The following NFIC variants were observed in gnomAD, a reference collection of about 807,000 sequenced individuals.
NFIC encodes the protein nuclear factor 1 C-type.
In NFIC, 12 loss-of-function variants were observed where a neutral mutation model predicts 54.4. The observed-to-expected ratio is 0.22, with a 90% CI of 0.14 to 0.36. The LOEUF is 0.36. NFIC is among the 10% of genes least tolerant of loss of function. The pLI is 1.00. For missense variants in NFIC, 575 were observed against 718.2 expected (o/e 0.80, Z 2.28); for synonymous variants, 322 against 319.2 (o/e 1.01, Z -0.09).
At chr19:3,435,037 C>A in intron 5 of NFIC, 46 bp from the exon 6 acceptor site, 1 of 1,518,170 alleles carries the variant, frequency 6.6e-7, no homozygotes, top group East Asian at 2.5e-5. Context: ...GCCCCCCGCC[C>A]CGCGTCTCCC....
At chr19:3,443,381 C>T (rs1443974109) in intron 6 of NFIC, among the ~76,000 whole-genome samples, 1 of 151,786 alleles carries the variant, frequency 6.6e-6, no homozygotes, top group East Asian at 1.9e-4. Context: ...TATGATTGCA[C>T]CAGTGCACTC....
chr19:3,360,750 A>G (rs530410871), intron 1 of NFIC, among the ~76,000 whole-genome samples: 4 of 152,228 alleles, frequency 2.6e-5, no homozygotes, highest in African/African-American at 9.6e-5. Context: ...TCCCTGCGGG[A>G]CGGTGTTGTG....
chr19:3,373,010 A>G (rs755884670), intron 1 of NFIC, among the ~76,000 whole-genome samples: 27 of 151,896 alleles, frequency 1.8e-4, no homozygotes, highest in Admixed American at 2.6e-4. Context: ...GCACCTGGCT[A>G]ATTTTGGTGT....
chr19:3,424,977 T>C, intron 2 of NFIC, 129 bp from the exon 3 acceptor site: 1 of 914,154 alleles, frequency 1.1e-6, no homozygotes, highest in Admixed American at 2.4e-5. Context: ...CCTGGGTGTG[T>C]TTTGGGGCCA....
At chr19:3,395,492 AT>A (rs530190180) in intron 2 of NFIC, among the ~76,000 whole-genome samples, 285 of 130,806 alleles carry the variant, frequency 2.2e-3, no homozygotes, top group East Asian at 0.015. Context: ...ACCATGGTTG[AT>A]TTTTTTTTTT....
At chr19:3,428,400 C>T (rs2082062075) in intron 3 of NFIC, among the ~76,000 whole-genome samples, 1 of 149,888 alleles carries the variant, frequency 6.7e-6, no homozygotes, top group African/African-American at 2.5e-5. Context: ...TGCAGTGAGC[C>T]GAGATCACGC....
chr19:3,377,587 C>A (rs2081131061), intron 1 of NFIC, among the ~76,000 whole-genome samples: 2 of 151,742 alleles, frequency 1.3e-5, no homozygotes, highest in Admixed American at 1.3e-4. Context: ...AAACTAGGTC[C>A]CAGATGTTTT....
intron 2 of NFIC, among the ~76,000 whole-genome samples, chr19:3,407,774 G>C (rs1157730634): frequency 6.6e-6 from 1 of 152,172 alleles, no homozygotes; most frequent in Non-Finnish European, 1.5e-5. Flanking sequence ...AGTCCAGGGT[G>C]CTGGGGACTA....
Position 3,425,135 on chromosome 19 carries a change from G to C in NFIC, c.592G>C (p.Gly198Arg). ...DAEQSGSPRT[G>R]MGSDQEDSKP... is the part of the protein sequence containing the mutation. ...AGAGCAAAGCGGCAGTCCCCGGACA[G>C]GGATGGGCTCTGACCAGGAGGACAG... Residue 198 changes from glycine to arginine, a missense_variant, in exon 3 of 11, where the codon GGG becomes CGG. This residue lies in a region of NFIC where 447 missense variants were observed against 526.9 expected (regional missense o/e 0.85). Coordinates refer to ENST00000443272, the MANE Select transcript of NFIC (RefSeq NM_001245002.2). 1.2e-6 allele frequency: 2 copies of C among 1,613,196 alleles called. No homozygotes were observed. Among genetic ancestry groups the C allele is most frequent in the Non-Finnish European group, 1.7e-6 (2 of 1,179,962 alleles).
chr19:3,430,244 CTT>C (rs869061995), intron 3 of NFIC, among the ~76,000 whole-genome samples: 175 of 142,486 alleles, frequency 1.2e-3, no homozygotes, highest in Admixed American at 1.3e-3. Context: ...CAGAACCTTT[CTT>C]TTTTTTTTTT....
upstream of NFIC, among the ~76,000 whole-genome samples, chr19:3,362,330 C>G (rs1363860886): frequency 1.3e-5 from 2 of 151,854 alleles, no homozygotes; most frequent in African/African-American, 4.8e-5. Context: ...GCAGCTATAT[C>G]CATGCGTTGT....
At chr19:3,451,237 T>C (rs1450497258) in intron 7 of NFIC, among the ~76,000 whole-genome samples, 2 of 152,010 alleles carry the variant, frequency 1.3e-5, no homozygotes, top group Admixed American at 1.3e-4. Flanking sequence ...CTATGAAATG[T>C]CCAGGACAGG....
intron 6 of NFIC, among the ~76,000 whole-genome samples, chr19:3,438,683 C>T (rs760002621): frequency 3.3e-5 from 5 of 151,894 alleles, no homozygotes; most frequent in African/African-American, 1.2e-4. Flanking sequence ...GTGATCCGCC[C>T]ATCTCGGCCT....
chr19:3,434,176 C>G, intron 4 of NFIC, 101 bp from the exon 5 acceptor site: 1 of 1,468,962 alleles, frequency 6.8e-7, no homozygotes, highest in Non-Finnish European at 9.0e-7. Flanking sequence ...GGAAGGGGGT[C>G]CCCCTTTGGA....
intron 1 of NFIC, among the ~76,000 whole-genome samples, chr19:3,376,498 C>T (rs937638428): frequency 8.7e-5 from 13 of 149,132 alleles, no homozygotes; most frequent in African/African-American, 2.7e-4. Context: ...CTTAGGAGGC[C>T]GAGGTGGGAG....
intron 6 of NFIC, among the ~76,000 whole-genome samples, chr19:3,443,963 G>C (rs2082331668): frequency 6.6e-6 from 1 of 152,196 alleles, no homozygotes; most frequent in Non-Finnish European, 1.5e-5. Context: ...TCTGTGTAGG[G>C]CCCCTCCTGA....
chr19:3,382,874 T>G (rs1004620588), intron 2 of NFIC, among the ~76,000 whole-genome samples: 1 of 151,512 alleles, frequency 6.6e-6, no homozygotes, highest in Non-Finnish European at 1.5e-5. Flanking sequence ...GCTGATGGGA[T>G]GTGGAGGTCA....
chr19:3,366,334 TG>T (rs2080881515), upstream of NFIC, among the ~76,000 whole-genome samples: 2 of 36,622 alleles, frequency 5.5e-5, no homozygotes, highest in Non-Finnish European at 1.1e-4. Context: ...TGTTGAGAAG[TG>T]GGAGGTTCGG....
chr19:3,404,286 G>A (rs1343765341), intron 2 of NFIC, among the ~76,000 whole-genome samples: 4 of 151,658 alleles, frequency 2.6e-5, no homozygotes, highest in Non-Finnish European at 5.9e-5. Flanking sequence ...CCCCCACCCC[G>A]GGTGGCGTTG....
Sources: gnomAD v4.1 joint callset for allele counts (sites outside exome capture counted in the v4.1 genomes callset) on GRCh38, gnomAD v4.1.1 for gene constraint, gnomAD v4.1.1 regional missense constraint, MANE v1.5 for transcripts, NCBI Gene and HGNC (gene_info 2026-07-23, HGNC 2026-07-21) for gene names.